Variants in MAP3K20 observed in about 807,000 individuals in gnomAD.
The protein encoded by MAP3K20 is mitogen-activated protein kinase kinase kinase 20.
MAP3K20 carries 40 observed loss-of-function variants against 85.7 expected under a neutral mutation model. The observed-to-expected ratio is 0.47, with a 90% confidence interval of 0.36 to 0.61. The LOEUF (loss-of-function observed/expected upper bound fraction) is 0.61, where lower values mean the gene tolerates loss of function less well. Ranked by LOEUF, MAP3K20 falls within the 20% of genes least tolerant of loss-of-function variation. The pLI is 0.00. For missense variants in MAP3K20, 817 were observed against 961.7 expected, an observed-to-expected ratio of 0.85 and a Z score of 1.99; for synonymous variants, 325 against 327.7, an observed-to-expected ratio of 0.99 and a Z score of 0.09.
At chr2:173,082,152 C>A (rs971583406) in intron 1 of MAP3K20, among the ~76,000 whole-genome samples, 1 of 152,106 alleles carries the variant, frequency 6.6e-6, no homozygotes, top group African/African-American at 2.4e-5. Flanking sequence ...CAGGCATGAA[C>A]CACCACACCT....
chr2:173,085,916 C>T (rs1285879144), intron 1 of MAP3K20, among the ~76,000 whole-genome samples: 2 of 147,814 alleles, frequency 1.4e-5, no homozygotes, highest in Non-Finnish European at 3.0e-5. Flanking sequence ...CTGCCTCAAC[C>T]TCCCAGGTAG....
intron 16 of MAP3K20, among the ~76,000 whole-genome samples, chr2:173,257,664 TAC>T (rs1685190985): frequency 6.6e-6 from 1 of 152,198 alleles, no homozygotes; most frequent in East Asian, 1.9e-4. Context: ...CTTGGGTAAA[TAC>T]CTAGGAGTAG....
chr2:173,182,605 C>T (rs770797397), intron 3 of MAP3K20, among the ~76,000 whole-genome samples: 1 of 152,166 alleles, frequency 6.6e-6, no homozygotes, highest in Non-Finnish European at 1.5e-5. Flanking sequence ...TTGGGTTTCT[C>T]AGTTCCAGCT....
At chr2:173,193,070 GC>G in intron 7 of MAP3K20, 3 of 152,340 alleles carry the variant, frequency 2.0e-5, no homozygotes, top group Admixed American at 2.0e-4. Flanking sequence ...GAACAAGAGG[GC>G]TTGGGAAGAT....
Position 173,239,480 on chromosome 2 carries a change from C to T in MAP3K20, c.1343C>T (p.Pro448Leu). 6.2e-7 allele frequency: 1 copy of T among 1,612,246 alleles called. No homozygotes were observed. Among genetic ancestry groups the T allele is most frequent in the Admixed American group, 1.7e-5 (1 of 59,504 alleles). The change falls in exon 16 of 20, where the codon CCA (proline) becomes CTA (leucine). Residue 448 changes from proline (P) to leucine (L), a missense_variant. Pro to Leu is a moderately conservative substitution (Grantham distance 98). Transcript: ENST00000375213. ...LELVFGFHLK[P>L]GTGPQDCKWK... The stretch of plus-strand genomic sequence containing the variant: ...CTGGTTTTTGGTTTTCACTTGAAAC[C>T]AGGAACTGGCCCACAGGTAAATCAC...
At chr2:173,229,283 T>C (rs76708925) in intron 11 of MAP3K20, among the ~76,000 whole-genome samples, 5,141 of 152,340 alleles carry the variant, frequency 0.034, 114 homozygotes, top group Admixed American at 0.054. Context: ...AGAACAGGCA[T>C]AATACATGAT....
intron 2 of MAP3K20, among the ~76,000 whole-genome samples, chr2:173,115,375 G>C (rs1445948291): frequency 1.3e-5 from 2 of 152,102 alleles, no homozygotes; most frequent in African/African-American, 4.8e-5. Context: ...TCCCTGATTA[G>C]CTATTTAATA....
chr2:173,095,766 A>G (rs555381601), intron 2 of MAP3K20, among the ~76,000 whole-genome samples: 3 of 152,342 alleles, frequency 2.0e-5, no homozygotes, highest in African/African-American at 7.2e-5. Flanking sequence ...TTGGAAGAAC[A>G]TTTAGAAAGC....
In MAP3K20 at chr2:173,128,312, C is replaced by CTTATTTATTTATTTAT. The variant is rs59187122; in HGVS notation, c.159+37145_159+37160dup. Among the ~76,000 whole-genome samples the CTTATTTATTTATTTAT allele has an allele frequency of 5.1e-4, 75 of 145,926 alleles. 1 individual carries two copies. Among genetic ancestry groups the CTTATTTATTTATTTAT allele is most frequent in the African/African-American group, 1.3e-3 (51 of 39,160 alleles). ...AGCATATGGAAAACATTATAGTTGA[C>CTTATTTATTTATTTAT]TTATTTATTTATTTATTTATTTATT... On this transcript the variant is annotated intron_variant, in intron 2 of 19. Transcript: ENST00000375213.
At chr2:173,235,283 C>T (rs75117148) in intron 14 of MAP3K20, among the ~76,000 whole-genome samples, 2,066 of 152,208 alleles carry the variant, frequency 0.014, 29 homozygotes, top group South Asian at 0.043. Context: ...GGTGTGCAGA[C>T]GAGGTCATGC....
chr2:173,087,557 A>T (rs965498759), intron 1 of MAP3K20, among the ~76,000 whole-genome samples: 16 of 152,250 alleles, frequency 1.1e-4, no homozygotes, highest in Non-Finnish European at 4.4e-5. Flanking sequence ...AAAAAGACTC[A>T]TTCCTAAACA....
intron 10 of MAP3K20, among the ~76,000 whole-genome samples, chr2:173,216,628 T>C (rs1369438641): frequency 6.6e-6 from 1 of 152,092 alleles, no homozygotes; most frequent in African/African-American, 2.4e-5. Context: ...GGTTAGTCAA[T>C]TGATTGCTTG....
intron 9 of MAP3K20, among the ~76,000 whole-genome samples, 183 bp downstream of exon 9, chr2:173,204,053 C>G (rs1350079075): frequency 6.6e-6 from 1 of 152,158 alleles, no homozygotes; most frequent in Non-Finnish European, 1.5e-5. Flanking sequence ...TCTCTAGAGA[C>G]TCATTATTAA....
intron 2 of MAP3K20, among the ~76,000 whole-genome samples, chr2:173,169,518 C>T (rs1402342022): frequency 6.6e-6 from 1 of 151,368 alleles, no homozygotes; most frequent in African/African-American, 2.4e-5. Context: ...CCCAAGAGTT[C>T]GAGATCAGCC....
intron 2 of MAP3K20, among the ~76,000 whole-genome samples, chr2:173,143,773 T>G (rs1404674556): frequency 8.5e-5 from 13 of 152,176 alleles, no homozygotes; most frequent in Non-Finnish European, 1.0e-4. Flanking sequence ...CATAAAAAAT[T>G]TTTTAAAAAT....
chr2:173,106,866 G>C (rs1339479393), intron 2 of MAP3K20, among the ~76,000 whole-genome samples: 1 of 152,082 alleles, frequency 6.6e-6, no homozygotes, highest in Admixed American at 6.6e-5. Context: ...TAGGGGGCCT[G>C]GATTTTAGAT....
At chr2:173,219,629 CT>C (rs1684175423) in intron 11 of MAP3K20, among the ~76,000 whole-genome samples, 1 of 152,156 alleles carries the variant, frequency 6.6e-6, no homozygotes, top group Admixed American at 6.5e-5. Flanking sequence ...GTTTAAAGAT[CT>C]AAAGTAATTG....
intron 2 of MAP3K20, among the ~76,000 whole-genome samples, chr2:173,153,469 A>T (rs536644467): frequency 3.9e-5 from 6 of 152,274 alleles, no homozygotes; most frequent in African/African-American, 1.4e-4. Flanking sequence ...ACAATGCATC[A>T]CTGTTTCCCT....
intron 11 of MAP3K20, among the ~76,000 whole-genome samples, chr2:173,217,792 C>G (rs1684121182): frequency 1.3e-5 from 2 of 152,164 alleles, no homozygotes; most frequent in African/African-American, 4.8e-5. Flanking sequence ...GAAAAAGATT[C>G]TCTCTGGACA....
Sources: gnomAD v4.1 joint callset for allele counts (sites outside exome capture counted in the v4.1 genomes callset) on GRCh38, gnomAD v4.1.1 for gene constraint, MANE v1.5 for transcripts, NCBI Gene and HGNC (gene_info 2026-07-23, HGNC 2026-07-21) for gene names.